TRIP11: variants seen among roughly 807,000 people sequenced by gnomAD.
TRIP11 encodes thyroid receptor-interacting protein 11.
In TRIP11, 148 loss-of-function variants were observed where a neutral mutation model predicts 223.1. The observed-to-expected ratio is 0.66, with a 90% confidence interval of 0.58 to 0.76. TRIP11 has a LOEUF of 0.76. TRIP11 is among the 30% of genes least tolerant of loss of function. The pLI, the probability that TRIP11 is intolerant of heterozygous loss-of-function variation, is 0.00. For missense variants in TRIP11, 2,043 were observed against 2,222.0 expected, an observed-to-expected ratio of 0.92 and a Z score of 1.62; for synonymous variants, 762 against 772.6, an observed-to-expected ratio of 0.99 and a Z score of 0.23.
At chr14:92,022,370 A>C (rs991049504) in intron 3 of TRIP11, among the ~76,000 whole-genome samples, 3 of 152,220 alleles carry the variant, frequency 2.0e-5, no homozygotes, top group Non-Finnish European at 4.4e-5. Flanking sequence ...CAATCTTTTT[A>C]GATAAGATAA....
rs370698979 is a variant in TRIP11 at position 92,014,329 on chromosome 14, T to A, written c.1072A>T (p.Ser358Cys). ...TTCACAGCAGAAGGCTGCAATTTAC[T>A]ACATTCCAATTTCAAGTTTTCACAT... ...EECENLKLECSKLQPSAVKQS... is the reference protein window; with the variant it reads ...EECENLKLECCKLQPSAVKQS... The change falls in exon 7 of 21, where the codon AGT becomes TGT. Residue 358 changes from serine to cysteine, a missense_variant. Coordinates refer to ENST00000267622, the MANE Select transcript of TRIP11 (RefSeq NM_004239.4). 1.3e-5 allele frequency: 21 copies of A among 1,613,960 alleles called. No homozygotes were observed. Among genetic ancestry groups the A allele is most frequent in the Non-Finnish European group, 1.7e-5 (20 of 1,180,016 alleles).
At chr14:92,034,958 A>C (rs765450557) in intron 1 of TRIP11, among the ~76,000 whole-genome samples, 5 of 151,866 alleles carry the variant, frequency 3.3e-5, no homozygotes, top group Non-Finnish European at 5.9e-5. Context: ...TTTTCATTTA[A>C]AAGTAGAGTG....
intron 1 of TRIP11, 144 bp downstream of exon 1, chr14:92,039,403 G>A (rs910025723): frequency 3.5e-5 from 29 of 816,968 alleles, no homozygotes; most frequent in African/African-American, 1.4e-4. Flanking sequence ...GTTGAGAAGA[G>A]GCAAGAGGAG....
chr14:91,996,769 A>C (rs975574912), intron 13 of TRIP11, among the ~76,000 whole-genome samples: 74 of 152,274 alleles, frequency 4.9e-4, no homozygotes, highest in African/African-American at 1.7e-3. Flanking sequence ...TATCCCACTG[A>C]TGAACTGCTC....
Position 91,980,851 on chromosome 14 carries a change from C to T in TRIP11, c.5261-4662G>A, listed in dbSNP as rs141127808. Among the ~76,000 whole-genome samples, 220 of 151,346 alleles carry T rather than the reference C, an allele frequency of 1.5e-3. 1 individual carries two copies. The highest frequency in any genetic ancestry group is 5.2e-3 in the African/African-American group (216 of 41,278). The stretch of plus-strand genomic sequence containing the variant: ...CTTAAAACTAAATTTAAATCTGATA[C>T]AATATTAAACCTAATAAGGAAATTT... On this transcript the variant is annotated intron_variant, in intron 16 of 20. Coordinates refer to ENST00000267622, the MANE Select transcript of TRIP11 (RefSeq NM_004239.4).
At chr14:92,035,720 G>C (rs2057318864) in intron 1 of TRIP11, among the ~76,000 whole-genome samples, 4 of 151,744 alleles carry the variant, frequency 2.6e-5, no homozygotes, top group Admixed American at 2.0e-4. Context: ...TGGGACTATA[G>C]GCCTGCGCCA....
At chr14:92,010,181 T>A (rs1161901222) in intron 9 of TRIP11, among the ~76,000 whole-genome samples, 1 of 152,198 alleles carries the variant, frequency 6.6e-6, no homozygotes, top group African/African-American at 2.4e-5. Context: ...TTGCTATGAA[T>A]ACATACAATA....
In TRIP11 at chr14:91,976,105, T is replaced by C. The variant is rs1414567591; in HGVS notation, c.5342+3A>G. On this transcript the variant is annotated splice_donor_region_variant and intron_variant, in intron 17 of 20. Transcript: ENST00000267622. Reference sequence around the variant, plus strand: ...ATACAAACATTAAAAGCAAAAAGCATACTTGTCTACTTTTCCTTCTGAGCT... The same window carrying C: ...ATACAAACATTAAAAGCAAAAAGCACACTTGTCTACTTTTCCTTCTGAGCT... The C allele has an allele frequency of 3.1e-6, 5 of 1,610,702 alleles. No individual in the cohort carries two copies. Among genetic ancestry groups the C allele is most frequent in the Non-Finnish European group, 4.2e-6 (5 of 1,178,850 alleles).
intron 7 of TRIP11, among the ~76,000 whole-genome samples, chr14:92,013,055 T>A (rs751573581): frequency 6.6e-6 from 1 of 151,998 alleles, no homozygotes; most frequent in Non-Finnish European, 1.5e-5. Flanking sequence ...GATCATGAGG[T>A]CAAGAGATCG....
chr14:92,014,096 C>G, intron 7 of TRIP11, 119 bp downstream of exon 7: 1 of 1,351,064 alleles, frequency 7.4e-7, no homozygotes, highest in Non-Finnish European at 1.0e-6. Flanking sequence ...AAATGACACA[C>G]AGTCATTTCC....
At chr14:92,008,149 C>G (rs1043721653) in intron 9 of TRIP11, among the ~76,000 whole-genome samples, 8 of 152,110 alleles carry the variant, frequency 5.3e-5, no homozygotes, top group Non-Finnish European at 7.3e-5. Context: ...ATTTGAGAGC[C>G]TCTCCTATCC....
chr14:91,996,862 G>A (rs1050760290), intron 13 of TRIP11, among the ~76,000 whole-genome samples: 1 of 152,176 alleles, frequency 6.6e-6, no homozygotes, highest in Non-Finnish European at 1.5e-5. Context: ...AGAGTCCTAA[G>A]AGGTAGATAT....
intron 2 of TRIP11, among the ~76,000 whole-genome samples, 168 bp downstream of exon 2, chr14:92,033,024 T>C (rs1291662240): frequency 6.6e-6 from 1 of 151,968 alleles, no homozygotes; most frequent in Non-Finnish European, 1.5e-5. Context: ...GGTAAATATA[T>C]TTTTCATCTA....
intron 10 of TRIP11, among the ~76,000 whole-genome samples, 193 bp from the exon 11 acceptor site, chr14:92,006,641 C>G (rs1452561948): frequency 6.6e-6 from 1 of 152,172 alleles, no homozygotes; most frequent in Non-Finnish European, 1.5e-5. Context: ...CCCATCTTGT[C>G]TTTTTTGTTT....
At position 91,973,025 on chromosome 14, in the gene TRIP11, CT is replaced by C. The variant is rs142203489; in HGVS notation, c.5575-165del. 0.15 allele frequency among the ~76,000 whole-genome samples: 19,874 copies of C among 131,092 alleles called. 1,308 individuals carry two copies. Among genetic ancestry groups the C allele is most frequent in the African/African-American group, 0.3 (10,138 of 33,546 alleles). 86.0% of individuals were successfully genotyped at this position (131,092 alleles called of 152,430 possible). On this transcript the variant is annotated intron_variant, in intron 19 of 20. Transcript: ENST00000267622. ...TTATGAACAATTGAAAATACTGGCACTTTTTTTTTTTTTTTTTTGAGACGGT... is the reference window on the plus strand; with the variant it reads ...TTATGAACAATTGAAAATACTGGCACTTTTTTTTTTTTTTTTTGAGACGGT...
intron 1 of TRIP11, among the ~76,000 whole-genome samples, chr14:92,035,585 AT>A (rs550426136): frequency 4.3e-5 from 6 of 137,990 alleles, no homozygotes; most frequent in African/African-American, 8.1e-5. Context: ...TTATTTATTT[AT>A]TTTTTTTTTG....
intron 2 of TRIP11, among the ~76,000 whole-genome samples, chr14:92,032,428 G>C (rs1830297260): frequency 6.6e-6 from 1 of 152,048 alleles, no homozygotes; most frequent in African/African-American, 2.4e-5. Context: ...TCAGATTACA[G>C]ACATGAGCCA....
At position 92,006,215 on chromosome 14, in the gene TRIP11, AT is replaced by A. The variant is rs1462503251; in HGVS notation, c.1760del (p.Asn587IlefsTer2). Reference sequence around the variant, plus strand: ...GTGATTTATTTAGCTGATCTACTAAATTTTCTACTTTGTCCTCAAGTTTCTG... The same window carrying A: ...GTGATTTATTTAGCTGATCTACTAAATTTCTACTTTGTCCTCAAGTTTCTG... ...TKQKLEDKVE[N>X]LVDQLNKSQE... On this transcript the variant is annotated frameshift_variant, in exon 11 of 21. Transcript: ENST00000267622. LOFTEE classifies it high-confidence loss of function. 1 of 1,613,084 alleles carries A rather than the reference AT, an allele frequency of 6.2e-7. No homozygotes were observed. Among genetic ancestry groups the A allele is most frequent in the Non-Finnish European group, 8.5e-7 (1 of 1,179,774 alleles).
chr14:91,991,141 G>C (rs2056666696), intron 15 of TRIP11, among the ~76,000 whole-genome samples: 1 of 152,064 alleles, frequency 6.6e-6, no homozygotes, highest in Non-Finnish European at 1.5e-5. Flanking sequence ...TTGGTTCATG[G>C]GGGCACCACC....
Sources: allele counts gnomAD v4.1 joint callset (sites outside exome capture counted in the v4.1 genomes callset), GRCh38; gene constraint gnomAD v4.1.1; transcripts MANE v1.5; gene names NCBI Gene and HGNC (gene_info 2026-07-23, HGNC 2026-07-21).